Variants in EIF2B3 observed in about 807,000 individuals in gnomAD.
EIF2B3 encodes the protein eukaryotic translation initiation factor 2B subunit gamma.
EIF2B3 carries 20 observed loss-of-function variants against 54.1 expected under a neutral mutation model. The observed-to-expected ratio is 0.37, with a 90% CI of 0.26 to 0.54. EIF2B3 has a LOEUF of 0.54. EIF2B3 is among the 20% of genes least tolerant of loss of function. EIF2B3 has a pLI of 0.86. For synonymous variants in EIF2B3, 153 were observed against 188.1 expected (o/e 0.81, Z 1.52); for missense variants, 448 against 547.8 (o/e 0.82, Z 1.82).
chr1:44,983,971 G>A (rs1438475748), intron 1 of EIF2B3, among the ~76,000 whole-genome samples: 1 of 151,328 alleles, frequency 6.6e-6, no homozygotes, highest in African/African-American at 2.4e-5. Flanking sequence ...GCCTCCTAAA[G>A]TGCTGGGATT....
rs1654245714 is a variant in EIF2B3, at chr1:44,850,793, G to A, written c.*158C>T. The A allele has an allele frequency of 4.0e-6, 3 of 749,394 alleles. No individual in the cohort carries two copies. Among genetic ancestry groups the A allele is most frequent in the African/African-American group, 3.5e-5 (2 of 57,378 alleles). 46.4% of individuals were successfully genotyped at this position (749,394 alleles called of 1,614,324 possible). On this transcript the variant is annotated 3_prime_UTR_variant, in exon 12 of 12. Coordinates refer to ENST00000360403, the MANE Select transcript of EIF2B3 (RefSeq NM_020365.5). The stretch of plus-strand genomic sequence containing the variant: ...CATGAACATACACTGTGTACACCTG[G>A]AGCCCACCTGACATGGAGCTTTGGA...
At chr1:44,870,198 G>C (rs1654922263) in intron 10 of EIF2B3, among the ~76,000 whole-genome samples, 1 of 151,776 alleles carries the variant, frequency 6.6e-6, no homozygotes, top group African/African-American at 2.4e-5. Flanking sequence ...GAGAGAGAGA[G>C]AGAGAGAGAG....
intron 3 of EIF2B3, among the ~76,000 whole-genome samples, chr1:44,947,494 T>C (rs898346892): frequency 6.6e-6 from 1 of 152,154 alleles, no homozygotes; most frequent in Non-Finnish European, 1.5e-5. Flanking sequence ...GATGTGTGTG[T>C]GTGTGGCTGT....
chr1:44,936,188 C>T (rs1643944996), intron 4 of EIF2B3, among the ~76,000 whole-genome samples: 1 of 152,086 alleles, frequency 6.6e-6, no homozygotes, highest in Admixed American at 6.6e-5. Context: ...GCTTACACTT[C>T]TAAGTTGTCC....
At chr1:44,856,529 A>T (rs773919522) in intron 11 of EIF2B3, among the ~76,000 whole-genome samples, 70 of 70,266 alleles carry the variant, frequency 1.0e-3, no homozygotes, top group Non-Finnish European at 1.5e-3. Flanking sequence ...AATTAAAATT[A>T]AAAAAAAAAA....
intron 4 of EIF2B3, among the ~76,000 whole-genome samples, chr1:44,933,737 C>T (rs1643917938): frequency 6.6e-6 from 1 of 152,064 alleles, no homozygotes; most frequent in Non-Finnish European, 1.5e-5. Flanking sequence ...GATGTTATCT[C>T]GAGCAACTGT....
intron 5 of EIF2B3, among the ~76,000 whole-genome samples, chr1:44,899,619 A>G (rs1454101690): frequency 6.6e-6 from 1 of 152,216 alleles, no homozygotes; most frequent in African/African-American, 2.4e-5. Flanking sequence ...CAAAGCCACA[A>G]TGAGATACCA....
chr1:44,928,410 G>A (rs1418842507), intron 4 of EIF2B3, among the ~76,000 whole-genome samples: 1 of 152,042 alleles, frequency 6.6e-6, no homozygotes, highest in Non-Finnish European at 1.5e-5. Flanking sequence ...TCACACCACT[G>A]CACTCCAGCC....
intron 5 of EIF2B3, among the ~76,000 whole-genome samples, chr1:44,916,997 T>TC (rs907361369): frequency 1.1e-4 from 17 of 152,170 alleles, no homozygotes; most frequent in Admixed American, 7.2e-4. Context: ...CCACTTGCTT[T>TC]CCCTGAAAAG....
intron 3 of EIF2B3, among the ~76,000 whole-genome samples, chr1:44,962,301 G>C (rs573546366): frequency 6.6e-6 from 1 of 152,020 alleles, no homozygotes; most frequent in Admixed American, 6.6e-5. Context: ...TAAACTTAGG[G>C]CTTGTTGGAA....
chr1:44,883,498 C>T (rs1655478561), intron 6 of EIF2B3, among the ~76,000 whole-genome samples: 1 of 151,980 alleles, frequency 6.6e-6, no homozygotes, highest in Admixed American at 6.6e-5. Context: ...TGGATGACTC[C>T]ACTGGGACCA....
chr1:44,874,074 G>T (rs1200587311), intron 10 of EIF2B3, among the ~76,000 whole-genome samples: 1 of 150,156 alleles, frequency 6.7e-6, no homozygotes, highest in East Asian at 1.9e-4. Context: ...TCCTTTGAGT[G>T]TCAAGTTGGT....
At chr1:44,858,938 A>ACTC (rs1044866399) in intron 10 of EIF2B3, among the ~76,000 whole-genome samples, 2 of 152,030 alleles carry the variant, frequency 1.3e-5, no homozygotes, top group Non-Finnish European at 2.9e-5. Context: ...ATAAAAGACT[A>ACTC]CTCCAGACCC....
At chr1:44,896,269 A>G (rs1184634596) in intron 6 of EIF2B3, among the ~76,000 whole-genome samples, 1 of 152,184 alleles carries the variant, frequency 6.6e-6, no homozygotes, top group Non-Finnish European at 1.5e-5. Flanking sequence ...TTGGTAGGGG[A>G]AACAGAGCTA....
intron 1 of EIF2B3, among the ~76,000 whole-genome samples, chr1:44,981,880 T>C (rs976008861): frequency 4.3e-5 from 6 of 140,996 alleles, no homozygotes; most frequent in Non-Finnish European, 9.0e-5. Flanking sequence ...GGTGTTGCAG[T>C]GAGCCGAGAT....
intron 3 of EIF2B3, among the ~76,000 whole-genome samples, chr1:44,953,163 A>AC (rs1183824998): frequency 2.6e-5 from 4 of 151,834 alleles, no homozygotes; most frequent in Admixed American, 2.6e-4. Context: ...AAAAAAAAAA[A>AC]AAAACCAGAA....
At chr1:44,965,367 C>A (rs1296890186) in intron 3 of EIF2B3, among the ~76,000 whole-genome samples, 1 of 152,092 alleles carries the variant, frequency 6.6e-6, no homozygotes, top group African/African-American at 2.4e-5. Flanking sequence ...TATCTGAACA[C>A]CACAGAAAAG....
At chr1:44,876,887 C>T (rs524957) in intron 8 of EIF2B3, among the ~76,000 whole-genome samples, 100,201 of 127,248 alleles carry the variant, frequency 0.79, 40,425 homozygotes, top group East Asian at 1. Context: ...TGTTGATCTG[C>T]GACCTTACCC....
chr1:44,905,324 G>C (rs1643392212), intron 5 of EIF2B3, among the ~76,000 whole-genome samples: 1 of 152,172 alleles, frequency 6.6e-6, no homozygotes, highest in Non-Finnish European at 1.5e-5. Context: ...AGAGTTCCAA[G>C]TTCTGCTCCA....
Sources: allele counts gnomAD v4.1 joint callset (sites outside exome capture counted in the v4.1 genomes callset), GRCh38; gene constraint gnomAD v4.1.1; transcripts MANE v1.5; gene names NCBI Gene and HGNC (gene_info 2026-07-23, HGNC 2026-07-21).